Variants in APC2 observed in about 807,000 individuals in gnomAD.
APC2 encodes APC regulator of Wnt signaling pathway 2, also known as adenomatous polyposis coli protein 2.
A neutral mutation model predicts 72.5 loss-of-function variants in APC2; 41 were observed. That is an observed-to-expected ratio of 0.57 (90% confidence interval 0.44 to 0.73). The LOEUF is 0.73. APC2 is among the 30% of genes least tolerant of loss of function. The pLI is 0.00. For synonymous variants in APC2, 1,898 were observed against 1,612.0 expected (o/e 1.18, Z -4.25); for missense variants, 3,729 against 3,403.4 (o/e 1.10, Z -2.38).
chr19:1,455,594 T>C (rs909511604), intron 6 of APC2, 94 bp downstream of exon 6: 7 of 1,248,434 alleles, frequency 5.6e-6, no homozygotes, highest in East Asian at 5.1e-5. Context: ...TCTGGGGTAA[T>C]GGGAGGAGTC....
chr19:1,467,209 A>G lies in APC2; in HGVS notation c.3908A>G (p.Glu1303Gly), dbSNP rs748948882. ...ELRLLPSACP[E>G]RGGGAGGAGL... ...CGGCTGCTGCCCTCGGCCTGCCCCG[A>G]GCGCGGCGGGGGCGCCGGGGGCGCC... Residue 1303 changes from glutamate to glycine, a missense_variant, in exon 15 of 15, where the codon GAG becomes GGG. By Grantham distance (98) the Glu-to-Gly change is moderately conservative. Transcript: ENST00000590469. The G allele has an allele frequency of 1.1e-5, 15 of 1,417,436 alleles. No individual in the cohort carries two copies. The Admixed American group carries it at 2.4e-4, about 23-fold the overall frequency. The allele number at this position is 1,417,436 out of a possible 1,614,324, so 87.8% of individuals were successfully genotyped here.
Position 1,456,079 on chromosome 19 carries a change from C to A in APC2, c.643C>A (p.Arg215Ser). ...GCCCTCGTGTGGTCCTGAGCAGATC[C>A]GCGCCTCGCGCCTGGAGCAGATTGA... ...SDEMVQRAQI[R>S]ASRLEQIDKE... The change falls in exon 7 of 15, where the codon CGC becomes AGC. Residue 215 changes from arginine (R) to serine (S), a missense_variant. Physicochemically the swap from Arg to Ser is moderately radical, Grantham distance 110. Transcript: ENST00000590469. 1 of 1,572,232 alleles carries A rather than the reference C, an allele frequency of 6.4e-7. No individual in the cohort carries two copies. The highest frequency in any genetic ancestry group is 2.3e-5 in the East Asian group (1 of 43,092).
intron 1 of APC2, chr19:1,451,612 G>C (rs1334812032): frequency 2.0e-5 from 3 of 152,358 alleles, no homozygotes; most frequent in Non-Finnish European, 4.4e-5. Context: ...GGGTCTTGTC[G>C]GGCCTCCAGC....
chr19:1,470,259 G>T lies in APC2; in HGVS notation c.*46G>T, dbSNP rs769256398. 14 of 1,517,762 alleles carry T rather than the reference G, an allele frequency of 9.2e-6. No individual in the cohort carries two copies. In the South Asian group the frequency reaches 1.1e-4, roughly 12 times the overall value. The allele number at this position is 1,517,762 out of a possible 1,614,324, so 94.0% of individuals were successfully genotyped here. A position where few individuals can be genotyped will look rare whatever the true frequency, so the allele number is the denominator to read the frequency against. ...GAACGTTCTCTCCCGGCCCTGCGGC[G>T]CGGTCTGGCTGCCCCATGGGCCTGC... On this transcript the variant is annotated 3_prime_UTR_variant, in exon 15 of 15. Transcript: ENST00000590469.
upstream of APC2, among the ~76,000 whole-genome samples, chr19:1,448,256 T>C (rs2083704386): frequency 6.6e-6 from 1 of 152,108 alleles, no homozygotes; most frequent in Non-Finnish European, 1.5e-5. Flanking sequence ...CCTCTCCTCC[T>C]GATCACTGCT....
chr19:1,450,815 C>G (rs1790642272), intron 1 of APC2, among the ~76,000 whole-genome samples: 1 of 152,190 alleles, frequency 6.6e-6, no homozygotes, highest in African/African-American at 2.4e-5. Flanking sequence ...CTACACGATG[C>G]AACCTGGGGG....
intron 14 of APC2, among the ~76,000 whole-genome samples, chr19:1,464,910 G>A (rs1330462486): frequency 6.6e-6 from 1 of 150,746 alleles, no homozygotes; most frequent in Admixed American, 6.6e-5. Context: ...TGGGATTACA[G>A]GTGTGATCCA....
rs750054600 is a variant in APC2 at position 1,453,172 on chromosome 19, G to A, written c.141+30G>A. The A allele has an allele frequency of 6.3e-6, 10 of 1,581,374 alleles. No individual in the cohort carries two copies. The Admixed American group carries it at 9.1e-5, about 14-fold the overall frequency. Reference sequence around the variant, plus strand: ...GGGCCTACATGGAGGAGGTGGGCTAGGGTCCCGGGGTGGTGCCCCCCGGCA... The same window carrying A: ...GGGCCTACATGGAGGAGGTGGGCTAAGGTCCCGGGGTGGTGCCCCCCGGCA... On this transcript the variant is annotated intron_variant, in intron 2 of 14. Coordinates refer to ENST00000590469, the MANE Select transcript of APC2 (RefSeq NM_005883.3).
rs967495401 is a variant in APC2, at chr19:1,466,289, G to A, written c.2988G>A (p.Ser996=). Residue 996 remains serine (S), a synonymous_variant, in exon 15 of 15, where the codon TCG becomes TCA. Coordinates refer to ENST00000590469, the MANE Select transcript of APC2 (RefSeq NM_005883.3). ...CCCGCGTGCGCACCATCAAGCTGTCGCCTACCTATCAGCACGTGCCACTGC... is the reference window on the plus strand; with the variant it reads ...CCCGCGTGCGCACCATCAAGCTGTCACCTACCTATCAGCACGTGCCACTGC... ...ADARVRTIKL[S]PTYQHVPLLE... 10 of 1,536,058 alleles carry A rather than the reference G, an allele frequency of 6.5e-6. No homozygotes were observed. The highest frequency in any genetic ancestry group is 6.1e-6 in the Non-Finnish European group (7 of 1,147,562).
At chr19:1,449,969 G>A (rs1451871010), upstream of APC2, among the ~76,000 whole-genome samples, 3 of 152,108 alleles carry the variant, frequency 2.0e-5, no homozygotes, top group Non-Finnish European at 4.4e-5. Context: ...CGCACTCACG[G>A]CCCCTGAGCC....
chr19:1,460,465 A>G, intron 11 of APC2, 145 bp downstream of exon 11: 1 of 1,327,600 alleles, frequency 7.5e-7, no homozygotes. Flanking sequence ...ACTGAGGCCC[A>G]GAGAGTGCGG....
In APC2 at chr19:1,467,063, T is replaced by C. The variant is rs1404181225; in HGVS notation, c.3762T>C (p.Ser1254=). 4 of 1,611,820 alleles carry C rather than the reference T, an allele frequency of 2.5e-6. No individual in the cohort carries two copies. Among genetic ancestry groups the C allele is most frequent in the Middle Eastern group, 1.6e-4 (1 of 6,062 alleles). Residue 1254 remains serine, a synonymous_variant, in exon 15 of 15, where the codon TCT becomes TCC. Coordinates refer to ENST00000590469, the MANE Select transcript of APC2 (RefSeq NM_005883.3). ...GCCGGGAGCGCTGCCGGCTGCCATC[T>C]GAGCTGGACGCAGGCAGCGTGCGCT... ...ADCRERCRLP[S]ELDAGSVRFT...
rs373843275 is a variant in APC2, at chr19:1,456,411, G to A, written c.816+7G>A. 2 of 1,594,182 alleles carry A rather than the reference G, an allele frequency of 1.3e-6. No individual in the cohort carries two copies. The highest frequency in any genetic ancestry group is 8.5e-7 in the Non-Finnish European group (1 of 1,171,678). ...TCAGCCGGGCAACAGCAAGGTGAGGGGGAGGGTGAAACGGGGGCTGGCGCA... is the reference window on the plus strand; with the variant it reads ...TCAGCCGGGCAACAGCAAGGTGAGGAGGAGGGTGAAACGGGGGCTGGCGCA... On this transcript the variant is annotated splice_region_variant and intron_variant, in intron 8 of 14. Transcript: ENST00000590469.
chr19:1,455,485 G>A lies in APC2; in HGVS notation c.624G>A (p.Met208Ile), dbSNP rs1470610028. The change falls in exon 6 of 15, where the codon ATG becomes ATA. Residue 208 changes from methionine (M) to isoleucine (I), a missense_variant. Coordinates refer to ENST00000590469, the MANE Select transcript of APC2 (RefSeq NM_005883.3). ...MEERFGTSDEMVQRAQIRASR... is the reference protein window; with the variant it reads ...MEERFGTSDEIVQRAQIRASR... ...AGCGCTTCGGCACCTCGGACGAGAT[G>A]GTGCAGCGGGCACAGGTGCGGCGGT... 1 of 1,602,224 alleles carries A rather than the reference G, an allele frequency of 6.2e-7. No individual in the cohort carries two copies. Among genetic ancestry groups the A allele is most frequent in the Non-Finnish European group, 8.5e-7 (1 of 1,174,862 alleles).
At chr19:1,457,520 T>TTTTTGC (rs2083853961) in intron 9 of APC2, 1 of 541,864 alleles carries the variant, frequency 1.8e-6, no homozygotes, top group South Asian at 2.4e-5. Flanking sequence ...TGAGATTCTT[T>TTTTTGC]TTTTGCAGTT....
At chr19:1,456,523 T>C (rs147431266) in intron 8 of APC2, 119 bp downstream of exon 8, 3 of 1,091,238 alleles carry the variant, frequency 2.7e-6, no homozygotes, top group Non-Finnish European at 3.9e-6. Context: ...CCCTCGGGTG[T>C]AGGAAGGCCC....
chr19:1,460,035 A>T, intron 10 of APC2, 146 bp from the exon 11 acceptor site: 1 of 1,099,664 alleles, frequency 9.1e-7, no homozygotes, highest in Non-Finnish European at 1.3e-6. Flanking sequence ...CGGCTCCTGG[A>T]GGAGGTCTCA....
At chr19:1,465,078 C>T (rs1229501084) in intron 14 of APC2, 77 bp from the exon 15 acceptor site, 4 of 1,502,370 alleles carry the variant, frequency 2.7e-6, no homozygotes, top group East Asian at 5.0e-5. Context: ...TTTTACCTGC[C>T]ACATCTGGCC....
rs528902064 is a variant in APC2, at chr19:1,457,230, T to C, written c.1194T>C (p.Gly398=). The C allele has an allele frequency of 6.5e-7, 1 of 1,529,524 alleles. No individual in the cohort carries two copies. The highest frequency in any genetic ancestry group is 2.0e-5 in the Admixed American group (1 of 49,034). The allele number at this position is 1,529,524 out of a possible 1,614,324, so 94.7% of individuals were successfully genotyped here. A position where few individuals can be genotyped will look rare whatever the true frequency, so the allele number is the denominator to read the frequency against. The change falls in exon 9 of 15, where the codon GGT becomes GGC. Residue 398 remains glycine (G), a synonymous_variant. Coordinates refer to ENST00000590469, the MANE Select transcript of APC2 (RefSeq NM_005883.3). ...CCCGAGACGGCGGGCCCGAGGGAGG[T>C]GGCGCCGGCAGCGGTGAGTGCCTGG... ...LQARDGGPEG[G]GAGSAPIPIE... is the part of the protein sequence containing the mutation.
Sources: gnomAD v4.1 joint callset for allele counts (sites outside exome capture counted in the v4.1 genomes callset) on GRCh38, gnomAD v4.1.1 for gene constraint, MANE v1.5 for transcripts, NCBI Gene and HGNC (gene_info 2026-07-23, HGNC 2026-07-21) for gene names.